Variants in MYO5B observed in about 807,000 individuals in gnomAD.
MYO5B encodes the protein myosin VB, also known as unconventional myosin-Vb.
In MYO5B, 143 loss-of-function variants were observed where a neutral mutation model predicts 229.3. The observed-to-expected ratio is 0.62, with a 90% CI of 0.54 to 0.72. The LOEUF (loss-of-function observed/expected upper bound fraction) is 0.72. MYO5B is among the 30% of genes least tolerant of loss of function. The pLI, the probability that MYO5B is intolerant of heterozygous loss-of-function variation, is 0.00. For missense variants in MYO5B, 2,321 were observed against 2,331.0 expected, an observed-to-expected ratio of 1.00 and a Z score of 0.09; for synonymous variants, 918 against 885.2, an observed-to-expected ratio of 1.04 and a Z score of -0.66.
intron 1 of MYO5B, among the ~76,000 whole-genome samples, chr18:50,174,419 C>T (rs941688967): frequency 1.3e-5 from 2 of 152,144 alleles, no homozygotes; most frequent in African/African-American, 4.8e-5. Flanking sequence ...TGCTAGAACC[C>T]TGACATCAGG....
intron 39 of MYO5B, among the ~76,000 whole-genome samples, chr18:49,832,395 T>C (rs568480292): frequency 1.1e-4 from 16 of 152,380 alleles, no homozygotes; most frequent in East Asian, 9.6e-4. Flanking sequence ...CTCTGAACCA[T>C]GAACTGCTGG....
At chr18:50,146,494 G>C (rs2032504877) in intron 1 of MYO5B, among the ~76,000 whole-genome samples, 1 of 152,196 alleles carries the variant, frequency 6.6e-6, no homozygotes, top group Admixed American at 6.5e-5. Context: ...GAGGAAACCT[G>C]CACCAGAACA....
At chr18:49,954,167 G>T in intron 13 of MYO5B, 146 bp downstream of exon 13, 1 of 1,202,098 alleles carries the variant, frequency 8.3e-7, no homozygotes, top group Non-Finnish European at 1.2e-6. Context: ...TAGAGGGGTG[G>T]GTAAAAGAGG....
chr18:49,963,423 T>A (rs184661627), intron 10 of MYO5B, among the ~76,000 whole-genome samples: 27,341 of 122,002 alleles, frequency 0.22, 2,633 homozygotes, highest in Middle Eastern at 0.33. Context: ...TTAATTTATT[T>A]ATTTATTTAT....
At chr18:49,995,060 T>C (rs1043028388) in intron 5 of MYO5B, among the ~76,000 whole-genome samples, 7 of 152,048 alleles carry the variant, frequency 4.6e-5, no homozygotes, top group South Asian at 2.1e-4. Flanking sequence ...AACCCCAAGA[T>C]AGAAATTCAG....
At chr18:50,044,263 G>T (rs1179862350) in intron 2 of MYO5B, among the ~76,000 whole-genome samples, 1 of 152,070 alleles carries the variant, frequency 6.6e-6, no homozygotes, top group East Asian at 1.9e-4. Flanking sequence ...CTTGAGAGCA[G>T]ATTTTTTTTC....
At chr18:49,989,147 G>T (rs986342696) in intron 7 of MYO5B, among the ~76,000 whole-genome samples, 1 of 152,198 alleles carries the variant, frequency 6.6e-6, no homozygotes, top group Admixed American at 6.5e-5. Context: ...GCCTAACATG[G>T]CCTGAATAGA....
chr18:50,146,506 A>G (rs2032505062), intron 1 of MYO5B, among the ~76,000 whole-genome samples: 1 of 152,168 alleles, frequency 6.6e-6, no homozygotes, highest in Admixed American at 6.5e-5. Flanking sequence ...ACCAGAACAT[A>G]AATGGCAGGT....
rs572492821 is a variant in MYO5B, at chr18:50,040,071, A to G, written c.310+72T>C. On this transcript the variant is annotated intron_variant, in intron 3 of 39. Transcript: ENST00000285039. The stretch of plus-strand genomic sequence containing the variant: ...GAGAGTGAAATGAGGACTCCTAAGC[A>G]TTTGAGTTGAGCAAGTCTAAAGCTG... 1.2e-5 allele frequency: 18 copies of G among 1,502,588 alleles called. No homozygotes were observed. In the Admixed American group the frequency reaches 2.7e-4, roughly 22 times the overall value. 93.1% of individuals were successfully genotyped at this position (1,502,588 alleles called of 1,614,324 possible). A position where few individuals can be genotyped will look rare whatever the true frequency, so the allele number is the denominator to read the frequency against.
chr18:49,930,751 G>T (rs1247921611), intron 16 of MYO5B, among the ~76,000 whole-genome samples: 2 of 152,012 alleles, frequency 1.3e-5, no homozygotes, highest in African/African-American at 2.4e-5. Context: ...AATTAGCTGG[G>T]CGTGGTGGTG....
At chr18:50,156,555 C>A (rs1482372887) in intron 1 of MYO5B, among the ~76,000 whole-genome samples, 1 of 152,168 alleles carries the variant, frequency 6.6e-6, no homozygotes, top group African/African-American at 2.4e-5. Context: ...GAGGCCTCCC[C>A]AGCCATGCTG....
chr18:49,914,775 C>CAAAAAA (rs5824810), intron 17 of MYO5B, among the ~76,000 whole-genome samples: 1 of 106,184 alleles, frequency 9.4e-6, no homozygotes, highest in African/African-American at 3.7e-5. Flanking sequence ...GACCTTGTCT[C>CAAAAAA]AAAAAAAAAA....
At chr18:49,868,049 T>C (rs2024416836) in intron 27 of MYO5B, among the ~76,000 whole-genome samples, 1 of 152,090 alleles carries the variant, frequency 6.6e-6, no homozygotes, top group Non-Finnish European at 1.5e-5. Context: ...ATGGAAATCA[T>C]GTTTACAAAG....
chr18:49,933,903 T>A (rs1323920602), intron 16 of MYO5B, among the ~76,000 whole-genome samples: 1 of 152,218 alleles, frequency 6.6e-6, no homozygotes, highest in Non-Finnish European at 1.5e-5. Context: ...TGAGAGATAG[T>A]CTTCCTCTGT....
At chr18:50,077,052 C>G (rs1250218839) in intron 1 of MYO5B, among the ~76,000 whole-genome samples, 3 of 151,058 alleles carry the variant, frequency 2.0e-5, no homozygotes, top group South Asian at 2.1e-4. Flanking sequence ...ATGTAACAGA[C>G]TACTCTTTAT....
At chr18:49,836,485 TAG>T (rs1279549214) in intron 38 of MYO5B, among the ~76,000 whole-genome samples, 2 of 152,184 alleles carry the variant, frequency 1.3e-5, no homozygotes, top group African/African-American at 4.8e-5. Flanking sequence ...GTAAGAGGGA[TAG>T]AGAGTTACTA....
chr18:50,109,765 A>G (rs890604602), intron 1 of MYO5B, among the ~76,000 whole-genome samples: 2 of 152,166 alleles, frequency 1.3e-5, no homozygotes, highest in Non-Finnish European at 2.9e-5. Flanking sequence ...AGGTAGGCAA[A>G]GGCACCCTCA....
intron 1 of MYO5B, among the ~76,000 whole-genome samples, chr18:50,173,402 G>C (rs925573564): frequency 6.6e-6 from 1 of 152,162 alleles, no homozygotes; most frequent in East Asian, 1.9e-4. Context: ...AAGGGGTTTG[G>C]ATTTTATTCC....
intron 1 of MYO5B, among the ~76,000 whole-genome samples, chr18:50,115,952 A>C (rs1485182432): frequency 6.6e-6 from 1 of 152,118 alleles, no homozygotes; most frequent in Non-Finnish European, 1.5e-5. Flanking sequence ...CTAATCATAG[A>C]TGCATGAGGA....
Sources: allele counts gnomAD v4.1 joint callset (sites outside exome capture counted in the v4.1 genomes callset), GRCh38; gene constraint gnomAD v4.1.1; transcripts MANE v1.5; gene names NCBI Gene and HGNC (gene_info 2026-07-23, HGNC 2026-07-21).